Variants in NR2C2 observed in about 807,000 individuals in gnomAD.
The protein encoded by NR2C2 is nuclear receptor subfamily 2 group C member 2, also known as Nuclear hormone receptor TR4.
A neutral mutation model predicts 62.9 loss-of-function variants in NR2C2; 6 were observed. The ratio of observed to expected loss-of-function variants is 0.10; its 90% CI spans 0.05 to 0.19. NR2C2 has a LOEUF of 0.19. Among genes scored for constraint, NR2C2 ranks in the 10% least tolerant of loss-of-function variants. The probability of loss-of-function intolerance (pLI) is 1.00; values close to 1 mark genes in which losing one functional copy is unlikely to be tolerated. For synonymous variants in NR2C2, 272 were observed against 273.8 expected (o/e 0.99, Z 0.07); for missense variants, 479 against 762.7 (o/e 0.63, Z 4.38).
At chr3:14,990,589 C>T (rs184974966) in intron 1 of NR2C2, among the ~76,000 whole-genome samples, 1 of 152,234 alleles carries the variant, frequency 6.6e-6, no homozygotes, top group Non-Finnish European at 1.5e-5. Flanking sequence ...CCTGTGAGTT[C>T]CCTCAACCAA....
chr3:15,032,550 C>T, intron 10 of NR2C2, 50 bp downstream of exon 10: 1 of 1,611,800 alleles, frequency 6.2e-7, no homozygotes, highest in Non-Finnish European at 8.5e-7. Context: ...GCCTTCCTCT[C>T]CCTAGGAATG....
intron 2 of NR2C2, chr3:15,004,750 T>C (rs2041119324): frequency 1.9e-6 from 2 of 1,070,688 alleles, no homozygotes; most frequent in Admixed American, 5.5e-5. Context: ...CTTCTTGCAG[T>C]TTTATCAGTT....
intron 1 of NR2C2, among the ~76,000 whole-genome samples, chr3:14,968,537 G>A (rs1385413854): frequency 6.6e-6 from 1 of 150,788 alleles, no homozygotes; most frequent in Admixed American, 6.6e-5. Flanking sequence ...ACTGTTGGTG[G>A]GACTGTAAAC....
intron 1 of NR2C2, among the ~76,000 whole-genome samples, chr3:14,960,735 G>A (rs550928544): frequency 2.0e-5 from 3 of 152,244 alleles, no homozygotes; most frequent in Non-Finnish European, 4.4e-5. Context: ...CACATGTTTA[G>A]ATTTATTTTT....
chr3:14,957,122 A>G (rs2039549592), intron 1 of NR2C2, among the ~76,000 whole-genome samples: 1 of 152,248 alleles, frequency 6.6e-6, no homozygotes, highest in African/African-American at 2.4e-5. Context: ...TGAGCCTCAG[A>G]ACCCAATATA....
chr3:15,030,350 C>T lies in NR2C2; in HGVS notation c.1008C>T (p.Asp336=). The T allele has an allele frequency of 6.2e-7, 1 of 1,613,496 alleles. No individual in the cohort carries two copies. The highest frequency in any genetic ancestry group is 1.1e-5 in the South Asian group (1 of 90,964). Residue 336 remains aspartate, a synonymous_variant, in exon 9 of 14, where the codon GAC becomes GAT. Transcript: ENST00000425241. The part of the protein sequence containing the change: ...SSSPSLADGI[D]TSGGGSIHVI... Reference sequence around the variant, plus strand: ...CTCCAAGCTTGGCAGATGGGATAGACACCAGTGGAGGAGGGAGCATCCACG... The same window carrying T: ...CTCCAAGCTTGGCAGATGGGATAGATACCAGTGGAGGAGGGAGCATCCACG...
intron 1 of NR2C2, among the ~76,000 whole-genome samples, chr3:14,981,554 G>A (rs1440226381): frequency 2.2e-5 from 3 of 139,342 alleles, no homozygotes; most frequent in African/African-American, 8.3e-5. Context: ...AGTTAGCCGA[G>A]ATCCCGCCAC....
At chr3:14,948,594 G>GCGGGGC (rs1217701790) in intron 1 of NR2C2, 3 of 152,226 alleles carry the variant, frequency 2.0e-5, no homozygotes, top group Non-Finnish European at 4.4e-5. Flanking sequence ...GTCGGCGGGG[G>GCGGGGC]CGGGGCCGGG....
At chr3:14,978,715 C>T (rs778763421) in intron 1 of NR2C2, among the ~76,000 whole-genome samples, 4 of 152,120 alleles carry the variant, frequency 2.6e-5, no homozygotes, top group South Asian at 2.1e-4. Flanking sequence ...TTTGCAATAC[C>T]GATACTTTCA....
In NR2C2 at chr3:15,048,524, G is replaced by T. The variant is rs1195854070; in HGVS notation, c.*5516G>T. On this transcript the variant is annotated 3_prime_UTR_variant, in exon 14 of 14. Coordinates refer to ENST00000425241, the MANE Select transcript of NR2C2 (RefSeq NM_001291694.2). ...TATACATGCAAAATAGAAAAAAAAT[G>T]TTCAACATTTATTGATTGATAGACT... is the stretch of plus-strand genomic sequence containing the variant. The T allele has an allele frequency of 6.6e-6, 1 of 152,532 alleles. No individual in the cohort carries two copies. Among genetic ancestry groups the T allele is most frequent in the East Asian group, 1.9e-4 (1 of 5,200 alleles). The allele number at this position is 152,532 out of a possible 1,614,324, so 9.4% of individuals were successfully genotyped here. A position where few individuals can be genotyped will look rare whatever the true frequency, so the allele number is the denominator to read the frequency against.
intron 1 of NR2C2, among the ~76,000 whole-genome samples, chr3:14,983,268 G>C (rs2040424377): frequency 6.6e-6 from 1 of 151,962 alleles, no homozygotes; most frequent in Non-Finnish European, 1.5e-5. Context: ...CCTAGCCTCG[G>C]ATAACCATCA....
chr3:15,002,346 G>A (rs2041031744), intron 1 of NR2C2, among the ~76,000 whole-genome samples: 1 of 151,948 alleles, frequency 6.6e-6, no homozygotes, highest in Non-Finnish European at 1.5e-5. Context: ...TGTGGCTTCT[G>A]TCCTTTATTC....
rs1427412465 is a variant in NR2C2, at chr3:15,043,323, A to G, written c.*315A>G. On this transcript the variant is annotated 3_prime_UTR_variant, in exon 14 of 14. Coordinates refer to ENST00000425241, the MANE Select transcript of NR2C2 (RefSeq NM_001291694.2). ...TTTTATAATGTCAGAGACTAGTATT[A>G]AAGAAAACTGAAAGAACCTGAGAGA... 2.7e-5 allele frequency: 5 copies of G among 183,666 alleles called. No homozygotes were observed. The highest frequency in any genetic ancestry group is 4.7e-5 in the African/African-American group (2 of 42,590). The allele number at this position is 183,666 out of a possible 1,614,324, so 11.4% of individuals were successfully genotyped here.
intron 1 of NR2C2, among the ~76,000 whole-genome samples, chr3:14,999,820 T>C (rs570494146): frequency 2.6e-5 from 4 of 152,278 alleles, no homozygotes; most frequent in African/African-American, 7.2e-5. Flanking sequence ...TAGGTGAGGG[T>C]TTATTTCTGC....
chr3:14,951,982 G>A lies in NR2C2; in HGVS notation c.-40+4076G>A, dbSNP rs540000121. On this transcript the variant is annotated intron_variant, in intron 1 of 13. Coordinates refer to ENST00000425241, the MANE Select transcript of NR2C2 (RefSeq NM_001291694.2). ...AGGATGGTCTCAAACTCCTGACCTC[G>A]TGATCCGCCTGCCTCGGCCTCCCAA... 1.2e-4 allele frequency among the ~76,000 whole-genome samples: 18 copies of A among 152,258 alleles called. No individual in the cohort carries two copies. The South Asian group carries it at 1.9e-3, about 16-fold the overall frequency.
At chr3:15,007,265 A>T (rs1574995357) in intron 2 of NR2C2, among the ~76,000 whole-genome samples, 1 of 151,798 alleles carries the variant, frequency 6.6e-6, no homozygotes, top group East Asian at 1.9e-4. Context: ...GTAGCTGGGA[A>T]TACAGGTGCT....
chr3:15,030,488 T>C (rs1171696988), intron 9 of NR2C2, 36 bp downstream of exon 9: 7 of 1,525,308 alleles, frequency 4.6e-6, no homozygotes. Context: ...GCCCCCAACC[T>C]GCTGGGGGAT....
intron 1 of NR2C2, among the ~76,000 whole-genome samples, chr3:14,952,075 G>A (rs2039380330): frequency 6.6e-6 from 1 of 152,246 alleles, no homozygotes; most frequent in African/African-American, 2.4e-5. Context: ...CTGTCTCCAA[G>A]GAGTAACATG....
At chr3:14,967,886 G>GA (rs2039905210) in intron 1 of NR2C2, among the ~76,000 whole-genome samples, 1 of 152,130 alleles carries the variant, frequency 6.6e-6, no homozygotes, top group Non-Finnish European at 1.5e-5. Context: ...AAGCAATGGG[G>GA]AAAGGATTCC....
Sources: gnomAD v4.1 joint callset for allele counts (sites outside exome capture counted in the v4.1 genomes callset) on GRCh38, gnomAD v4.1.1 for gene constraint, MANE v1.5 for transcripts, NCBI Gene and HGNC (gene_info 2026-07-23, HGNC 2026-07-21) for gene names.